Variants in SEMA3D observed in about 807,000 individuals in gnomAD.
The protein encoded by SEMA3D is semaphorin 3D.
Under a neutral mutation model 100.1 loss-of-function variants are expected in SEMA3D, and 84 were observed. That is an observed-to-expected ratio of 0.84 (90% CI 0.70 to 1.01). SEMA3D has a LOEUF of 1.01. Ranked by LOEUF, SEMA3D falls within the 50% of genes least tolerant of loss-of-function variation. The probability of loss-of-function intolerance (pLI) is 0.00; values close to 1 mark genes in which losing one functional copy is unlikely to be tolerated. For missense variants in SEMA3D, 875 were observed against 934.1 expected (o/e 0.94, Z 0.82); for synonymous variants, 312 against 320.7 (o/e 0.97, Z 0.29).
chr7:85,207,516 C>T, the SEMA3D span, among the ~76,000 whole-genome samples: 2 of 151,850 alleles, frequency 1.3e-5, no homozygotes, highest in Admixed American at 1.3e-4. Context: ...CTGTGAAGGC[C>T]CTGCTAATCT....
At chr7:85,213,235 C>T in the SEMA3D span, among the ~76,000 whole-genome samples, 14 of 151,754 alleles carry the variant, frequency 9.2e-5, no homozygotes, top group Admixed American at 9.2e-4. Flanking sequence ...AATTGATAAG[C>T]ACACACACAG....
the SEMA3D span, among the ~76,000 whole-genome samples, chr7:85,241,990 A>G: frequency 1.3e-5 from 2 of 152,058 alleles, no homozygotes; most frequent in East Asian, 3.9e-4. Context: ...TACAACCACT[A>G]TGGAGAACAG....
At chr7:85,112,551 G>A (rs2116369782) in intron 3 of SEMA3D, among the ~76,000 whole-genome samples, 1 of 152,280 alleles carries the variant, frequency 6.6e-6, no homozygotes, top group East Asian at 1.9e-4. Context: ...GGCATGGCAA[G>A]TTGACAATAA....
At chr7:85,045,657 A>G (rs1790987380) in intron 9 of SEMA3D, among the ~76,000 whole-genome samples, 1 of 151,914 alleles carries the variant, frequency 6.6e-6, no homozygotes, top group African/African-American at 2.4e-5. Flanking sequence ...CTGTACGTTA[A>G]TAAGAATAAG....
At chr7:85,160,236 T>A (rs550020679) in intron 1 of SEMA3D, among the ~76,000 whole-genome samples, 1 of 152,148 alleles carries the variant, frequency 6.6e-6, no homozygotes, top group African/African-American at 2.4e-5. Flanking sequence ...ACGAAATTGA[T>A]ATGGTTAAGA....
intron 4 of SEMA3D, among the ~76,000 whole-genome samples, chr7:85,082,382 AG>A (rs2116237682): frequency 6.6e-6 from 1 of 152,306 alleles, no homozygotes; most frequent in African/African-American, 2.4e-5. Flanking sequence ...TCTGTCAGGA[AG>A]TTTTTGTAGG....
At chr7:85,160,836 C>T (rs976923841) in intron 1 of SEMA3D, among the ~76,000 whole-genome samples, 1 of 152,058 alleles carries the variant, frequency 6.6e-6, no homozygotes, top group Non-Finnish European at 1.5e-5. Flanking sequence ...CTCTGCAAAC[C>T]AGTAAAAGAT....
intron 5 of SEMA3D, among the ~76,000 whole-genome samples, chr7:85,074,792 G>GT (rs1027024039): frequency 5.3e-5 from 8 of 151,574 alleles, no homozygotes; most frequent in East Asian, 3.9e-4. Context: ...TAATTTTCGT[G>GT]TTTTTTTTGT....
At chr7:85,100,554 G>A (rs1192344105) in intron 3 of SEMA3D, among the ~76,000 whole-genome samples, 3 of 151,708 alleles carry the variant, frequency 2.0e-5, no homozygotes, top group Admixed American at 6.6e-5. Context: ...TTTAAAAGTA[G>A]CCTATTATTA....
rs1310721274 is a variant in SEMA3D, at chr7:84,995,994, TG to T, written c.*3445del. On this transcript the variant is annotated 3_prime_UTR_variant, in exon 19 of 19. Transcript: ENST00000284136. ...CAAATATCTTTTTTTTTTTTTGGTT[TG>T]TTTCTAAATTATCCATTCCCAATAA... The T allele has an allele frequency of 5.3e-5, 8 of 151,904 alleles. No homozygotes were observed. The highest frequency in any genetic ancestry group is 1.0e-4 in the Non-Finnish European group (7 of 67,846). The allele number at this position is 151,904 out of a possible 1,614,324, so 9.4% of individuals were successfully genotyped here. A position where few individuals can be genotyped will look rare whatever the true frequency, so the allele number is the denominator to read the frequency against.
chr7:85,128,904 T>A (rs563566371), intron 2 of SEMA3D, among the ~76,000 whole-genome samples: 2,742 of 102,432 alleles, frequency 0.027, 58 homozygotes, highest in South Asian at 0.11. Flanking sequence ...TTTTTTTTTT[T>A]AGAGATAGAT....
chr7:85,007,350 A>G (rs756871304), intron 17 of SEMA3D, among the ~76,000 whole-genome samples: 30 of 151,774 alleles, frequency 2.0e-4, no homozygotes, highest in Non-Finnish European at 3.8e-4. Flanking sequence ...ATTTAAAGAT[A>G]ATTTCTATCA....
At chr7:85,176,368 A>ACC (rs1791226272) in intron 1 of SEMA3D, among the ~76,000 whole-genome samples, 1 of 152,100 alleles carries the variant, frequency 6.6e-6, no homozygotes, top group Non-Finnish European at 1.5e-5. Flanking sequence ...GTAGGTTATC[A>ACC]CCCTTTAGTC....
intron 15 of SEMA3D, among the ~76,000 whole-genome samples, chr7:85,016,757 T>C (rs1023506629): frequency 6.6e-6 from 1 of 150,946 alleles, no homozygotes; most frequent in African/African-American, 2.4e-5. Flanking sequence ...CATAAATGTA[T>C]TTTTGTTTGT....
chr7:85,241,606 T>A, the SEMA3D span, among the ~76,000 whole-genome samples: 1 of 150,994 alleles, frequency 6.6e-6, no homozygotes, highest in Non-Finnish European at 1.5e-5. Flanking sequence ...AACATCTTTA[T>A]GTTCTCACTC....
In SEMA3D at chr7:85,042,019, T is replaced by A. The variant is rs1386791346; in HGVS notation, c.976+152A>T. Reference sequence around the variant, plus strand: ...TGTGCCCAGACCTAGAGCACTTCCGTGTACTTTGCGTGTGAATTTTAGTAA... The same window carrying A: ...TGTGCCCAGACCTAGAGCACTTCCGAGTACTTTGCGTGTGAATTTTAGTAA... On this transcript the variant is annotated intron_variant, in intron 10 of 18. Transcript: ENST00000284136. The A allele has an allele frequency of 4.4e-5, 29 of 656,236 alleles. 1 individual carries two copies. In the Admixed American group the frequency reaches 7.3e-4, roughly 16 times the overall value. 40.7% of individuals were successfully genotyped at this position (656,236 alleles called of 1,614,324 possible).
intron 1 of SEMA3D, among the ~76,000 whole-genome samples, chr7:85,181,347 C>CAA (rs138173194): frequency 0.074 from 10,857 of 146,192 alleles, 994 homozygotes; most frequent in East Asian, 0.29. Flanking sequence ...CACACACACA[C>CAA]ACACACACAC....
intron 3 of SEMA3D, among the ~76,000 whole-genome samples, chr7:85,111,029 CT>C (rs1053187663): frequency 6.6e-6 from 1 of 151,950 alleles, no homozygotes; most frequent in Non-Finnish European, 1.5e-5. Flanking sequence ...TATCTCTTTC[CT>C]TTTACTTTTT....
At position 85,093,176 on chromosome 7, in the gene SEMA3D, T is replaced by C. The variant is rs1026845126; in HGVS notation, c.312+4629A>G. On this transcript the variant is annotated intron_variant, in intron 4 of 18. Transcript: ENST00000284136. ...AAGTCAATTAATTTTTAAAGAAAGT[T>C]TGTTTTCTGTTCCCTCTGTAAGTGT... 3.3e-5 allele frequency among the ~76,000 whole-genome samples: 5 copies of C among 152,044 alleles called. No individual in the cohort carries two copies. In the South Asian group the frequency reaches 1.0e-3, roughly 31 times the overall value.
Sources: allele counts gnomAD v4.1 joint callset (sites outside exome capture counted in the v4.1 genomes callset), GRCh38; gene constraint gnomAD v4.1.1; transcripts MANE v1.5; gene names NCBI Gene and HGNC (gene_info 2026-07-23, HGNC 2026-07-21).